Variants in MYO3B observed in about 807,000 individuals in gnomAD.
The protein encoded by MYO3B is myosin-IIIb.
Under a neutral mutation model 174.6 loss-of-function variants are expected in MYO3B, and 156 were observed. The observed-to-expected ratio is 0.89, with a 90% CI of 0.78 to 1.02. MYO3B has a LOEUF of 1.02. Among genes scored for constraint, MYO3B ranks in the 50% least tolerant of loss-of-function variants. The pLI is 0.00. For missense variants in MYO3B, 1,632 were observed against 1,639.4 expected, an observed-to-expected ratio of 1.00 and a Z score of 0.08; for synonymous variants, 563 against 569.1, an observed-to-expected ratio of 0.99 and a Z score of 0.15.
intron 22 of MYO3B, among the ~76,000 whole-genome samples, chr2:170,432,079 A>C (rs1303997688): frequency 6.6e-6 from 1 of 152,240 alleles, no homozygotes; most frequent in East Asian, 1.9e-4. Context: ...GATAATAAAC[A>C]ACTATATTAC....
At chr2:170,541,978 A>G (rs1690142799) in intron 30 of MYO3B, among the ~76,000 whole-genome samples, 1 of 152,252 alleles carries the variant, frequency 6.6e-6, no homozygotes, top group Non-Finnish European at 1.5e-5. Context: ...TTAAGTAAAG[A>G]ATAAGATTAT....
At chr2:170,267,089 A>C (rs2093389391) in intron 7 of MYO3B, among the ~76,000 whole-genome samples, 1 of 144,522 alleles carries the variant, frequency 6.9e-6, no homozygotes, top group Non-Finnish European at 1.5e-5. Flanking sequence ...TCCTGTTCTC[A>C]GTGGCTCAAC....
chr2:170,293,464 A>G lies in MYO3B; in HGVS notation c.750-41921A>G, dbSNP rs1250114531. On this transcript the variant is annotated intron_variant, in intron 7 of 34. Transcript: ENST00000408978. ...CTTCCCACTTTAAGAGAATGCTTCC[A>G]ATGTTTTCACAGATATTTTTTGGTG... Among the ~76,000 whole-genome samples the G allele has an allele frequency of 2.0e-5, 3 of 152,264 alleles. No individual in the cohort carries two copies. The East Asian group carries it at 5.8e-4, about 29-fold the overall frequency.
chr2:170,504,725 G>A (rs1350447440), intron 28 of MYO3B, among the ~76,000 whole-genome samples: 1 of 152,170 alleles, frequency 6.6e-6, no homozygotes, highest in African/African-American at 2.4e-5. Context: ...CGGTCTAGGA[G>A]CCACCATTTC....
intron 32 of MYO3B, among the ~76,000 whole-genome samples, chr2:170,580,796 A>G (rs1456933602): frequency 6.6e-6 from 1 of 151,274 alleles, no homozygotes; most frequent in Non-Finnish European, 1.5e-5. Flanking sequence ...TAATCTTTGT[A>G]TAAATGCAGA....
chr2:170,602,014 TC>T (rs1261365872), intron 32 of MYO3B: 7 of 912,262 alleles, frequency 7.7e-6, no homozygotes, highest in Non-Finnish European at 1.1e-5. Context: ...CATTTCTCTT[TC>T]ATAACGGTCT....
intron 32 of MYO3B, among the ~76,000 whole-genome samples, chr2:170,645,243 G>A (rs1333904884): frequency 6.6e-6 from 1 of 152,154 alleles, no homozygotes; most frequent in East Asian, 1.9e-4. Context: ...AGCCAAGGCA[G>A]GTGGATTGCT....
intron 7 of MYO3B, among the ~76,000 whole-genome samples, chr2:170,281,313 A>G (rs1467505929): frequency 6.6e-6 from 1 of 152,114 alleles, no homozygotes; most frequent in African/African-American, 2.4e-5. Flanking sequence ...AAAACAATAT[A>G]TATTCTTCTC....
chr2:170,525,871 G>A (rs979559517), intron 30 of MYO3B, among the ~76,000 whole-genome samples: 3 of 152,130 alleles, frequency 2.0e-5, no homozygotes, highest in African/African-American at 7.2e-5. Context: ...TGTGTGAGGG[G>A]TCACGGCAGA....
intron 6 of MYO3B, among the ~76,000 whole-genome samples, chr2:170,219,845 A>G (rs2092873503): frequency 6.6e-6 from 1 of 152,238 alleles, no homozygotes; most frequent in Non-Finnish European, 1.5e-5. Context: ...ATAACACGGA[A>G]GATGGTATTC....
At chr2:170,530,362 C>T (rs920731986) in intron 30 of MYO3B, among the ~76,000 whole-genome samples, 1 of 152,236 alleles carries the variant, frequency 6.6e-6, no homozygotes, top group Admixed American at 6.5e-5. Flanking sequence ...CTGATCCAGA[C>T]CCTCCCGGGA....
chr2:170,579,874 T>C (rs1369788815), intron 32 of MYO3B, among the ~76,000 whole-genome samples: 2 of 152,242 alleles, frequency 1.3e-5, no homozygotes, highest in Non-Finnish European at 2.9e-5. Flanking sequence ...TTATCCTGTG[T>C]GAAGGTTCTG....
Position 170,466,429 on chromosome 2 carries a change from G to T in MYO3B, c.2809-77G>T, listed in dbSNP as rs555801528. ...CTGTGAGCCTCGAACTGCTCCAGAGGCTTCTGCGGGCCTGTGTTGTAACTA... is the reference window on the plus strand; with the variant it reads ...CTGTGAGCCTCGAACTGCTCCAGAGTCTTCTGCGGGCCTGTGTTGTAACTA... On this transcript the variant is annotated intron_variant, in intron 24 of 34. Coordinates refer to ENST00000408978, the MANE Select transcript of MYO3B (RefSeq NM_138995.5). 2.5e-5 allele frequency: 34 copies of T among 1,357,288 alleles called. No homozygotes were observed. The African/African-American group carries it at 3.7e-4, about 15-fold the overall frequency. The allele number at this position is 1,357,288 out of a possible 1,614,324, so 84.1% of individuals were successfully genotyped here.
chr2:170,488,932 C>T (rs1686253063), intron 25 of MYO3B, among the ~76,000 whole-genome samples: 1 of 152,180 alleles, frequency 6.6e-6, no homozygotes, highest in Non-Finnish European at 1.5e-5. Flanking sequence ...GAGAGCCAGA[C>T]TGCTGGTACT....
At chr2:170,491,922 C>T (rs570869582) in intron 25 of MYO3B, among the ~76,000 whole-genome samples, 12 of 152,182 alleles carry the variant, frequency 7.9e-5, no homozygotes, top group African/African-American at 9.6e-5. Flanking sequence ...GGTGTGGTGG[C>T]GCATGCCTGC....
At chr2:170,593,303 A>G (rs1253748406) in intron 32 of MYO3B, among the ~76,000 whole-genome samples, 1 of 152,112 alleles carries the variant, frequency 6.6e-6, no homozygotes, top group Admixed American at 6.6e-5. Context: ...AGGTCTCGCT[A>G]TGTTGCCCAG....
intron 32 of MYO3B, among the ~76,000 whole-genome samples, chr2:170,601,444 A>AT (rs1694503738): frequency 6.6e-6 from 1 of 152,224 alleles, no homozygotes; most frequent in African/African-American, 2.4e-5. Flanking sequence ...GGGCTATCTA[A>AT]AGACACATTT....
At position 170,200,148 on chromosome 2, in the gene MYO3B, A is replaced by G; in HGVS notation, c.187-2A>G. On this transcript the variant is annotated splice_acceptor_variant, in intron 2 of 34. Coordinates refer to ENST00000408978, the MANE Select transcript of MYO3B (RefSeq NM_138995.5). LOFTEE classifies it high-confidence loss of function. ...CAGCTTGCATTTTTCTACCCTGTTT[A>G]GGATATGGATGAAGAAATTGAGGCA... The G allele has an allele frequency of 1.2e-6, 2 of 1,611,398 alleles. No individual in the cohort carries two copies. The highest frequency in any genetic ancestry group is 1.1e-5 in the South Asian group (1 of 90,562).
intron 30 of MYO3B, among the ~76,000 whole-genome samples, chr2:170,522,543 T>C (rs924834509): frequency 6.6e-6 from 1 of 152,224 alleles, no homozygotes; most frequent in Non-Finnish European, 1.5e-5. Context: ...TCTTACAACA[T>C]ATTCTGACTT....
Sources: allele counts gnomAD v4.1 joint callset (sites outside exome capture counted in the v4.1 genomes callset), GRCh38; gene constraint gnomAD v4.1.1; transcripts MANE v1.5; gene names NCBI Gene and HGNC (gene_info 2026-07-23, HGNC 2026-07-21).